PCDH15: variants seen among roughly 807,000 people sequenced by gnomAD.
PCDH15 encodes protocadherin-15.
In PCDH15, 129 loss-of-function variants were observed where a neutral mutation model predicts 178.5. That is an observed-to-expected ratio of 0.72 (90% CI 0.63 to 0.84). The LOEUF is 0.84. PCDH15 is among the 40% of genes least tolerant of loss of function. The pLI is 0.00. For missense variants in PCDH15, 2,230 were observed against 2,099.9 expected (o/e 1.06, Z -1.21); for synonymous variants, 800 against 732.0 (o/e 1.09, Z -1.50).
At chr10:53,998,920 C>T (rs766211886) in intron 20 of PCDH15, among the ~76,000 whole-genome samples, 6 of 151,508 alleles carry the variant, frequency 4.0e-5, no homozygotes, top group African/African-American at 7.3e-5. Context: ...GGCATGGTGG[C>T]GGGCACCTGT....
rs372475592 is a variant in PCDH15, at chr10:54,406,715, C to CA, written c.158-27774dup. Reference sequence around the variant, plus strand: ...GACAACTGGGTATCCATATGAAAAACAAAAGTTAACCTTAACCCCTACCTC... The same window carrying CA: ...GACAACTGGGTATCCATATGAAAAACAAAAAGTTAACCTTAACCCCTACCTC... On this transcript the variant is annotated intron_variant, in intron 3 of 37. Transcript: ENST00000644397. Among the ~76,000 whole-genome samples, 10 of 152,110 alleles carry CA rather than the reference C, an allele frequency of 6.6e-5. No individual in the cohort carries two copies. In the East Asian group the frequency reaches 1.9e-3, roughly 29 times the overall value.
chr10:54,661,551 A>G (rs1420587743), intron 2 of PCDH15, among the ~76,000 whole-genome samples: 1 of 151,884 alleles, frequency 6.6e-6, no homozygotes, highest in Admixed American at 6.6e-5. Flanking sequence ...ATAAAAAAAA[A>G]TTCTAAAATA....
intron 14 of PCDH15, among the ~76,000 whole-genome samples, chr10:54,139,917 A>G (rs2043237404): frequency 6.6e-6 from 1 of 152,212 alleles, no homozygotes; most frequent in Non-Finnish European, 1.5e-5. Context: ...ATAACTGGTT[A>G]TTAAAAAAAG....
At chr10:53,860,879 ATATTT>A (rs1456760815) in intron 27 of PCDH15, among the ~76,000 whole-genome samples, 2 of 152,092 alleles carry the variant, frequency 1.3e-5, no homozygotes, top group Non-Finnish European at 2.9e-5. Flanking sequence ...ATATACTTTT[ATATTT>A]TATTTTAAGG....
Position 55,031,585 on chromosome 10 carries a change from G to A in PCDH15, c.-79-134085C>T, listed in dbSNP as rs550314020. On this transcript the variant is annotated intron_variant, in intron 2 of 5. Coordinates refer to the PCDH15 transcript ENST00000458638. ...TCAGATTCAGGAAAGGAGGGGCTGT[G>A]GTTTGAATATGTCCCTTCTAGAATT... is the stretch of plus-strand genomic sequence containing the variant. Among the ~76,000 whole-genome samples, 65 of 152,252 alleles carry A rather than the reference G, an allele frequency of 4.3e-4. 1 individual carries two copies. The highest frequency in any genetic ancestry group is 8.3e-4 in the South Asian group (4 of 4,822).
rs1335196401 is a variant in PCDH15, at chr10:55,158,078, G to GTGTGTGTGTGTA, written c.-80+8497_-80+8498insTACACACACACA. ...CACACAAATATGTGTGTATGTGTGTGTATATATATATATATATATACACAT... is the reference window on the plus strand; with the variant it reads ...CACACAAATATGTGTGTATGTGTGTGTGTGTGTGTGTATATATATATATATATATATACACAT... On this transcript the variant is annotated intron_variant, in intron 2 of 5. Transcript: ENST00000458638. Among the ~76,000 whole-genome samples, 670 of 117,104 alleles carry GTGTGTGTGTGTA rather than the reference G, an allele frequency of 5.7e-3. 9 individuals are homozygous for GTGTGTGTGTGTA. The highest frequency in any genetic ancestry group is 0.021 in the African/African-American group (594 of 28,824). 76.8% of individuals were successfully genotyped at this position (117,104 alleles called of 152,430 possible).
intron 25 of PCDH15, among the ~76,000 whole-genome samples, chr10:53,923,619 GT>G (rs1453521088): frequency 1.3e-5 from 2 of 152,164 alleles, no homozygotes; most frequent in African/African-American, 4.8e-5. Flanking sequence ...TAATTCCCAT[GT>G]TTTCTTCCAC....
chr10:54,444,540 ACAT>A (rs886456212), intron 3 of PCDH15, among the ~76,000 whole-genome samples: 1 of 151,696 alleles, frequency 6.6e-6, no homozygotes, highest in African/African-American at 2.4e-5. Flanking sequence ...CGCACTGTAC[ACAT>A]TTTTTTCTGA....
chr10:55,494,150 G>A (rs1840483071), intron 2 of PCDH15, among the ~76,000 whole-genome samples: 1 of 151,638 alleles, frequency 6.6e-6, no homozygotes, highest in Non-Finnish European at 1.5e-5. Flanking sequence ...TTATAATGTT[G>A]CTCCAGTCTT....
In PCDH15 at chr10:54,317,342, C is replaced by A; in HGVS notation, c.805G>T (p.Val269Phe). The A allele has an allele frequency of 6.2e-7, 1 of 1,613,930 alleles. No homozygotes were observed. The highest frequency in any genetic ancestry group is 8.5e-7 in the Non-Finnish European group (1 of 1,179,936). Residue 269 changes from valine to phenylalanine, a missense_variant, in exon 8 of 38, where the codon GTC (valine) becomes TTC (phenylalanine). Coordinates refer to ENST00000644397, the MANE Select transcript of PCDH15 (RefSeq NM_001384140.1). ...DDLGPMFLPC[V>F]LVPNTRDCRP... ...CAATCACGAGTGTTTGGCACAAGGACACAAGGAAGAAACATTGGACCCAAG... is the reference window on the plus strand; with the variant it reads ...CAATCACGAGTGTTTGGCACAAGGAAACAAGGAAGAAACATTGGACCCAAG...
chr10:55,579,688 T>C (rs1842567070), intron 2 of PCDH15, among the ~76,000 whole-genome samples: 1 of 152,176 alleles, frequency 6.6e-6, no homozygotes, highest in Admixed American at 6.6e-5. Context: ...TTTATGATCA[T>C]GGCAGCAAAC....
intron 2 of PCDH15, among the ~76,000 whole-genome samples, chr10:55,414,751 T>C (rs1047805918): frequency 5.4e-5 from 8 of 148,582 alleles, no homozygotes; most frequent in African/African-American, 2.0e-4. Context: ...ACTGAATTCA[T>C]ATATTATTTC....
chr10:55,026,773 C>T (rs1840485931), intron 2 of PCDH15, among the ~76,000 whole-genome samples: 1 of 151,820 alleles, frequency 6.6e-6, no homozygotes, highest in African/African-American at 2.4e-5. Flanking sequence ...AGACAGATGG[C>T]ATAGTCAGTT....
intron 9 of PCDH15, among the ~76,000 whole-genome samples, chr10:54,222,754 T>C (rs1051204911): frequency 2.6e-5 from 4 of 152,166 alleles, no homozygotes; most frequent in African/African-American, 7.2e-5. Flanking sequence ...GAGCAACTTT[T>C]CATATTCTTA....
At chr10:53,819,793 C>A (rs2076191116) in intron 33 of PCDH15, among the ~76,000 whole-genome samples, 1 of 151,796 alleles carries the variant, frequency 6.6e-6, no homozygotes, top group Non-Finnish European at 1.5e-5. Context: ...ACTAAAAGGT[C>A]TCATATAGAA....
intron 25 of PCDH15, among the ~76,000 whole-genome samples, chr10:53,930,286 G>A (rs1049319908): frequency 4.0e-5 from 6 of 151,336 alleles, no homozygotes; most frequent in Admixed American, 6.6e-5. Flanking sequence ...GTGAAACCTC[G>A]TCTCTACTAC....
intron 1 of PCDH15, among the ~76,000 whole-genome samples, chr10:55,173,425 C>G (rs1197836782): frequency 6.7e-6 from 1 of 149,604 alleles, no homozygotes; most frequent in Non-Finnish European, 1.5e-5. Context: ...ATTTATATGC[C>G]CATTCATTGT....
chr10:55,334,879 T>A (rs549886325), intron 2 of PCDH15, among the ~76,000 whole-genome samples: 2 of 152,212 alleles, frequency 1.3e-5, no homozygotes, highest in African/African-American at 4.8e-5. Flanking sequence ...GTATGCTGAA[T>A]GCTTTAAAAC....
intron 5 of PCDH15, among the ~76,000 whole-genome samples, chr10:54,360,185 C>G (rs977219904): frequency 1.3e-5 from 2 of 152,196 alleles, no homozygotes; most frequent in African/African-American, 4.8e-5. Context: ...ATCGCCACAT[C>G]AGGAAAATGA....
Sources: allele counts gnomAD v4.1 joint callset (sites outside exome capture counted in the v4.1 genomes callset), GRCh38; gene constraint gnomAD v4.1.1; transcripts MANE v1.5; gene names NCBI Gene and HGNC (gene_info 2026-07-23, HGNC 2026-07-21).